Variants in GAD2 observed in about 807,000 individuals in gnomAD.
GAD2 encodes the protein 65 kDa glutamic acid decarboxylase.
A neutral mutation model predicts 80.1 loss-of-function variants in GAD2; 22 were observed. That is an observed-to-expected ratio of 0.27 (90% CI 0.20 to 0.39). The LOEUF (loss-of-function observed/expected upper bound fraction) is 0.39. Among genes scored for constraint, GAD2 ranks in the 10% least tolerant of loss-of-function variants. The probability of loss-of-function intolerance (pLI) is 1.00; values close to 1 mark genes in which losing one functional copy is unlikely to be tolerated. For synonymous variants in GAD2, 274 were observed against 256.9 expected (o/e 1.07, Z -0.64); for missense variants, 624 against 738.4 (o/e 0.85, Z 1.80).
chr10:26,252,970 A>G (rs1021884232), intron 8 of GAD2, among the ~76,000 whole-genome samples: 1 of 152,174 alleles, frequency 6.6e-6, no homozygotes, highest in Non-Finnish European at 1.5e-5. Flanking sequence ...CCCCTTCTTA[A>G]TTAGCAGTCA....
At chr10:26,289,793 CTT>C (rs35001308) in intron 13 of GAD2, among the ~76,000 whole-genome samples, 66 of 135,894 alleles carry the variant, frequency 4.9e-4, no homozygotes, top group Admixed American at 5.9e-4. Flanking sequence ...TCCCCCCCAC[CTT>C]TTTTTTTTTT....
chr10:26,237,186 T>A (rs1393226143), intron 7 of GAD2, among the ~76,000 whole-genome samples: 1 of 152,142 alleles, frequency 6.6e-6, no homozygotes, highest in Non-Finnish European at 1.5e-5. Context: ...AAGAAAGGGA[T>A]GGGAAGGGGC....
chr10:26,245,338 A>G (rs1246791198), intron 7 of GAD2, among the ~76,000 whole-genome samples: 3 of 152,050 alleles, frequency 2.0e-5, no homozygotes, highest in Admixed American at 6.6e-5. Flanking sequence ...TACCTATGTA[A>G]CAAACCTGCA....
chr10:26,246,151 C>A (rs1220739401), intron 8 of GAD2, 151 bp downstream of exon 8: 1 of 624,374 alleles, frequency 1.6e-6, no homozygotes, highest in African/African-American at 1.9e-5. Flanking sequence ...AACATGGGCT[C>A]CTGCTTCTGT....
chr10:26,247,093 A>C (rs2132288708), intron 8 of GAD2, among the ~76,000 whole-genome samples: 1 of 152,356 alleles, frequency 6.6e-6, no homozygotes, highest in East Asian at 1.9e-4. Context: ...TAAAGGAATA[A>C]AAGAATGGCT....
At position 26,300,916 on chromosome 10, in the gene GAD2, T is replaced by G; in HGVS notation, c.1713T>G (p.Ile571Met). 1 of 1,613,974 alleles carries G rather than the reference T, an allele frequency of 6.2e-7. No homozygotes were observed. Among genetic ancestry groups the G allele is most frequent in the Non-Finnish European group, 8.5e-7 (1 of 1,179,892 alleles). ...ACCCAGCGGCAACTCACCAAGACAT[T>G]GACTTCCTGATTGAAGAAATAGAAC... is the stretch of plus-strand genomic sequence containing the variant. ...ISNPAATHQD[I>M]DFLIEEIERL... Residue 571 changes from isoleucine to methionine, a missense_variant, in exon 16 of 16, where the codon ATT becomes ATG. Coordinates refer to ENST00000376261, the MANE Select transcript of GAD2 (RefSeq NM_001134366.2).
At chr10:26,237,786 T>G (rs1241594473) in intron 7 of GAD2, among the ~76,000 whole-genome samples, 1 of 152,046 alleles carries the variant, frequency 6.6e-6, no homozygotes, top group Admixed American at 6.5e-5. Flanking sequence ...AGCAGGTGGA[T>G]CACCTGAGGT....
chr10:26,287,658 G>C (rs902044505), intron 13 of GAD2, among the ~76,000 whole-genome samples: 2 of 152,206 alleles, frequency 1.3e-5, no homozygotes, highest in Admixed American at 6.5e-5. Context: ...TTTGAGCAAG[G>C]TTGCCATTTT....
chr10:26,255,991 C>A (rs1032594903), intron 8 of GAD2, among the ~76,000 whole-genome samples: 4 of 152,054 alleles, frequency 2.6e-5, no homozygotes, highest in Admixed American at 2.6e-4. Flanking sequence ...AAATCAGACA[C>A]CCTTAGAGTT....
intron 8 of GAD2, among the ~76,000 whole-genome samples, chr10:26,251,056 C>CTTTTTTTTT (rs60993936): frequency 1.0e-4 from 12 of 119,818 alleles, no homozygotes; most frequent in Middle Eastern, 4.3e-3. Context: ...TTTTTTTTTG[C>CTTTTTTTTT]TTTTTTTTTT....
At chr10:26,298,720 G>A (rs1471365882) in intron 15 of GAD2, among the ~76,000 whole-genome samples, 1 of 152,170 alleles carries the variant, frequency 6.6e-6, no homozygotes, top group Admixed American at 6.6e-5. Context: ...CTAAGGAATG[G>A]TTATGTGACT....
At chr10:26,253,245 G>T (rs1031153585) in intron 8 of GAD2, among the ~76,000 whole-genome samples, 2 of 152,052 alleles carry the variant, frequency 1.3e-5, no homozygotes, top group Non-Finnish European at 2.9e-5. Flanking sequence ...TATTAAATTC[G>T]AAAGAAGAAA....
intron 11 of GAD2, 127 bp from the exon 12 acceptor site, chr10:26,280,882 A>G: frequency 3.4e-6 from 2 of 579,920 alleles, no homozygotes; most frequent in Non-Finnish European, 6.1e-6. Flanking sequence ...TAAAATTAAA[A>G]TAAATAAATA....
chr10:26,292,285 C>A (rs566777252), intron 13 of GAD2, among the ~76,000 whole-genome samples, 180 bp from the exon 14 acceptor site: 1 of 152,228 alleles, frequency 6.6e-6, no homozygotes, highest in African/African-American at 2.4e-5. Flanking sequence ...AACAAAAGCA[C>A]CTGACGGGGA....
intron 9 of GAD2, among the ~76,000 whole-genome samples, chr10:26,269,426 A>G (rs1589149082): frequency 6.6e-6 from 1 of 152,240 alleles, no homozygotes; most frequent in East Asian, 1.9e-4. Context: ...TTGTCTTCCT[A>G]GGTACTGAGG....
chr10:26,269,054 A>G (rs1231852006), intron 8 of GAD2, 65 bp from the exon 9 acceptor site: 4 of 1,265,380 alleles, frequency 3.2e-6, no homozygotes, highest in African/African-American at 1.5e-5. Flanking sequence ...TCCTGCGGCC[A>G]CTTACGTTGT....
At chr10:26,299,920 A>G (rs1834311188) in intron 15 of GAD2, among the ~76,000 whole-genome samples, 1 of 152,178 alleles carries the variant, frequency 6.6e-6, no homozygotes, top group African/African-American at 2.4e-5. Flanking sequence ...GAGAACAAGT[A>G]TGACATAGTA....
intron 8 of GAD2, among the ~76,000 whole-genome samples, chr10:26,251,054 T>C (rs947830470): frequency 7.2e-6 from 1 of 138,146 alleles, no homozygotes; most frequent in African/African-American, 3.0e-5. Context: ...ATTTTTTTTT[T>C]GCTTTTTTTT....
Position 26,298,817 on chromosome 10 carries a change from C to T in GAD2, c.1585-1971C>T, listed in dbSNP as rs373354805. On this transcript the variant is annotated intron_variant, in intron 15 of 15. Transcript: ENST00000376261. ...TCGCAGGAACCACATTGACTTGACA[C>T]GCCTCACAACACAAAGGATAAATTC... 1.2e-3 allele frequency among the ~76,000 whole-genome samples: 188 copies of T among 152,278 alleles called. 7 individuals carry two copies. The South Asian group carries it at 0.035, about 29-fold the overall frequency.
Sources: allele counts gnomAD v4.1 joint callset (sites outside exome capture counted in the v4.1 genomes callset), GRCh38; gene constraint gnomAD v4.1.1; transcripts MANE v1.5; gene names NCBI Gene and HGNC (gene_info 2026-07-23, HGNC 2026-07-21).